The following ZFP14 variants were observed in gnomAD, a reference collection of about 807,000 sequenced individuals.
ZFP14 encodes ZFP14 zinc finger protein.
In ZFP14, 22 loss-of-function variants were observed where a neutral mutation model predicts 54.5. The ratio of observed to expected loss-of-function variants is 0.40; its 90% CI spans 0.29 to 0.58. ZFP14 has a LOEUF of 0.58. ZFP14 is among the 20% of genes least tolerant of loss of function. The pLI is 0.39. For synonymous variants in ZFP14, 159 were observed against 204.0 expected, an observed-to-expected ratio of 0.78 and a Z score of 1.88; for missense variants, 470 against 637.8, an observed-to-expected ratio of 0.74 and a Z score of 2.83.
At chr19:36,376,724 T>A (rs2145567096) in intron 1 of ZFP14, among the ~76,000 whole-genome samples, 1 of 152,292 alleles carries the variant, frequency 6.6e-6, no homozygotes, top group South Asian at 2.1e-4. Flanking sequence ...ACAAATCTAC[T>A]GTGCACTTAT....
chr19:36,352,097 C>T (rs1273569943), intron 4 of ZFP14, among the ~76,000 whole-genome samples: 2 of 139,538 alleles, frequency 1.4e-5, no homozygotes, highest in South Asian at 4.6e-4. Flanking sequence ...GGCAGGAGAA[C>T]GGCGTGAACT....
rs1260313025 is a variant in ZFP14, at chr19:36,338,903, G to A, written c.*1321C>T. ...TTCCTAGGTGGTTAATTTCTTTTAA[G>A]CCACATTTTTGATAGTTTCTAATTA... On this transcript the variant is annotated 3_prime_UTR_variant, in exon 5 of 5. Transcript: ENST00000270001. 6.6e-6 allele frequency: 1 copy of A among 152,130 alleles called. No individual in the cohort carries two copies. Among genetic ancestry groups the A allele is most frequent in the East Asian group, 1.9e-4 (1 of 5,182 alleles). The allele number at this position is 152,130 out of a possible 1,614,324, so 9.4% of individuals were successfully genotyped here.
rs768243359 is a variant in ZFP14 at position 36,341,176 on chromosome 19, C to T, written c.650G>A (p.Arg217Gln). The T allele has an allele frequency of 3.1e-6, 5 of 1,614,032 alleles. No individual in the cohort carries two copies. Among genetic ancestry groups the T allele is most frequent in the Non-Finnish European group, 4.2e-6 (5 of 1,179,990 alleles). Residue 217 changes from arginine (R) to glutamine (Q), a missense_variant, in exon 5 of 5, where the codon CGA becomes CAA. Transcript: ENST00000270001. This position sits in a 1 kb window ranked among gnomAD's most constrained non-coding sequence, Gnocchi z 4.2. ...QAFRQRAHLI[R>Q]HHKLHTGEKP... Reference sequence around the variant, plus strand: ...CTCACCGGTGTGAAGTTTGTGATGTCGAATAAGATGTGCACGCTGTCTAAA... The same window carrying T: ...CTCACCGGTGTGAAGTTTGTGATGTTGAATAAGATGTGCACGCTGTCTAAA...
At chr19:36,372,349 CCTAA>C (rs755294003) in intron 1 of ZFP14, among the ~76,000 whole-genome samples, 5 of 150,444 alleles carry the variant, frequency 3.3e-5, no homozygotes, top group Admixed American at 1.3e-4. Flanking sequence ...AATTGACAAA[CCTAA>C]CTAAGCTATA....
intron 1 of ZFP14, among the ~76,000 whole-genome samples, chr19:36,368,514 G>A (rs1307880536): frequency 6.6e-6 from 1 of 152,186 alleles, no homozygotes; most frequent in Non-Finnish European, 1.5e-5. Flanking sequence ...ACTTGGTGTA[G>A]AAGCCTAGCT....
chr19:36,367,699 A>T (rs1212774466), intron 2 of ZFP14, among the ~76,000 whole-genome samples, 185 bp downstream of exon 2: 3 of 152,086 alleles, frequency 2.0e-5, no homozygotes, highest in Admixed American at 2.0e-4. Flanking sequence ...CCTGACCTCA[A>T]GTGATCCGCC....
chr19:36,362,829 A>G, intron 2 of ZFP14: 1 of 307,276 alleles, frequency 3.3e-6, no homozygotes, highest in South Asian at 3.0e-5. Context: ...CACATGTGCT[A>G]CAAAATCCAA....
chr19:36,372,029 A>AAG (rs2031886449), intron 1 of ZFP14, among the ~76,000 whole-genome samples: 1 of 111,992 alleles, frequency 8.9e-6, no homozygotes, highest in Non-Finnish European at 1.9e-5. Context: ...GGAAGGAAGG[A>AAG]GAAAGAAAGA....
At chr19:36,358,100 T>TATC (rs1343119218) in intron 4 of ZFP14, among the ~76,000 whole-genome samples, 1 of 143,480 alleles carries the variant, frequency 7.0e-6, no homozygotes, top group African/African-American at 2.6e-5. Flanking sequence ...ATCATCTATC[T>TATC]ATCTATCTAT....
At position 36,341,147 on chromosome 19, in the gene ZFP14, G is replaced by T. The variant is rs987356821; in HGVS notation, c.679C>A (p.Pro227Thr). The T allele has an allele frequency of 6.2e-7, 1 of 1,614,008 alleles. No homozygotes were observed. Among genetic ancestry groups the T allele is most frequent in the African/African-American group, 1.3e-5 (1 of 74,902 alleles). Residue 227 changes from proline to threonine, a missense_variant, in exon 5 of 5, where the codon CCC (proline) becomes ACC (threonine). Pro to Thr is a conservative substitution (Grantham distance 38). Coordinates refer to ENST00000270001, the MANE Select transcript of ZFP14 (RefSeq NM_020917.3). This position sits in a 1 kb window ranked among gnomAD's most constrained non-coding sequence, Gnocchi z 4.2. ...RHHKLHTGEK[P>T]YECKECGKAF... Reference sequence around the variant, plus strand: ...TTCCCACACTCCTTACATTCATAGGGTTTCTCACCGGTGTGAAGTTTGTGA... The same window carrying T: ...TTCCCACACTCCTTACATTCATAGGTTTTCTCACCGGTGTGAAGTTTGTGA...
At chr19:36,365,830 C>T (rs1188773037) in intron 2 of ZFP14, among the ~76,000 whole-genome samples, 4 of 151,848 alleles carry the variant, frequency 2.6e-5, no homozygotes, top group Admixed American at 2.0e-4. Flanking sequence ...AGTGGTGGCA[C>T]GTGCCTGTAG....
chr19:36,347,455 C>T (rs1213581521), intron 4 of ZFP14, among the ~76,000 whole-genome samples: 1 of 150,312 alleles, frequency 6.7e-6, no homozygotes, highest in Non-Finnish European at 1.5e-5. Flanking sequence ...ACAAAAACTA[C>T]AAAAATTAGC....
chr19:36,342,018 A>AT (rs932784207), intron 4 of ZFP14, among the ~76,000 whole-genome samples: 12 of 150,104 alleles, frequency 8.0e-5, no homozygotes, highest in East Asian at 5.9e-4. Context: ...CGCCCGGCTA[A>AT]TTTTTTTTTG....
At chr19:36,348,261 T>C (rs186746427) in intron 4 of ZFP14, among the ~76,000 whole-genome samples, 72 of 152,304 alleles carry the variant, frequency 4.7e-4, no homozygotes, top group Non-Finnish European at 9.6e-4. Flanking sequence ...GGCTTTTAAG[T>C]ACATTTTAAA....
At position 36,337,628 on chromosome 19, in the gene ZFP14, A is replaced by G. The variant is rs1027644040; in HGVS notation, c.*2596T>C. The G allele has an allele frequency of 7.0e-6, 1 of 142,256 alleles. No homozygotes were observed. The highest frequency in any genetic ancestry group is 1.6e-5 in the Non-Finnish European group (1 of 61,450). 8.8% of individuals were successfully genotyped at this position (142,256 alleles called of 1,614,324 possible). A position where few individuals can be genotyped will look rare whatever the true frequency, so the allele number is the denominator to read the frequency against. On this transcript the variant is annotated 3_prime_UTR_variant, in exon 5 of 5. Transcript: ENST00000270001. ...CCATCAGTGGAGGATCCTGGAACCA[A>G]TTCCCCATGGATACCAAGGGATGAC... is the stretch of plus-strand genomic sequence containing the variant.
intron 4 of ZFP14, 116 bp downstream of exon 4, chr19:36,360,319 A>G: frequency 1.3e-6 from 1 of 788,606 alleles, no homozygotes; most frequent in Admixed American, 3.2e-5. Flanking sequence ...CTGCCTCCAT[A>G]GGCCAGGGGC....
At chr19:36,358,941 G>A (rs58192477) in intron 4 of ZFP14, among the ~76,000 whole-genome samples, 53,436 of 151,896 alleles carry the variant, frequency 0.35, 9,597 homozygotes, top group South Asian at 0.43. Context: ...ATAAGAAGAA[G>A]AGAGGCCTCA....
intron 4 of ZFP14, among the ~76,000 whole-genome samples, chr19:36,342,567 G>GGCTAAAATC (rs2031340418): frequency 6.6e-6 from 1 of 151,796 alleles, no homozygotes; most frequent in Non-Finnish European, 1.5e-5. Flanking sequence ...AGACACCTCA[G>GGCTAAAATC]CACTTCATGT....
At chr19:36,353,556 G>A (rs528638520) in intron 4 of ZFP14, among the ~76,000 whole-genome samples, 1 of 140,492 alleles carries the variant, frequency 7.1e-6, no homozygotes, top group African/African-American at 2.6e-5. Context: ...AAAATTAGCT[G>A]AGCGTGGTAG....
Sources: allele counts gnomAD v4.1 joint callset (sites outside exome capture counted in the v4.1 genomes callset), GRCh38; gene constraint gnomAD v4.1.1; non-coding constraint Gnocchi (gnomAD v3.1); transcripts MANE v1.5; gene names NCBI Gene and HGNC (gene_info 2026-07-23, HGNC 2026-07-21).